GLYCTK: variants seen among roughly 807,000 people sequenced by gnomAD.
The protein encoded by GLYCTK is glycerate kinase, also known as HBeAg binding protein 4.
In GLYCTK, 22 loss-of-function variants were observed where a neutral mutation model predicts 24.8. That is an observed-to-expected ratio of 0.89 (90% CI 0.63 to 1.27). The LOEUF (loss-of-function observed/expected upper bound fraction) is 1.27. GLYCTK is among the 50% of genes most tolerant of loss of function. The pLI is 0.00. For synonymous variants in GLYCTK, 320 were observed against 297.2 expected (o/e 1.08, Z -0.79); for missense variants, 684 against 686.7 (o/e 1.00, Z 0.04).
At chr3:52,291,511 G>A (rs764366320) in intron 3 of GLYCTK, 2 of 590,260 alleles carry the variant, frequency 3.4e-6, no homozygotes, top group African/African-American at 1.9e-5. Flanking sequence ...TCCTGTTCTA[G>A]TCTCTTAAGG....
Position 52,292,436 on chromosome 3 carries a change from C to T in GLYCTK, c.882C>T (p.Asp294=). 1 of 1,613,190 alleles carries T rather than the reference C, an allele frequency of 6.2e-7. No individual in the cohort carries two copies. The highest frequency in any genetic ancestry group is 2.2e-5 in the East Asian group (1 of 44,874). ...VKTVLSRADS[D]PHGPHTCGHV... ...CTGTGCTGTCTCGGGCCGACTCTGACCCCCATGGGCCACACACCTGTGGCC... is the reference window on the plus strand; with the variant it reads ...CTGTGCTGTCTCGGGCCGACTCTGATCCCCATGGGCCACACACCTGTGGCC... Residue 294 remains aspartate, a synonymous_variant, in exon 5 of 5, where the codon GAC becomes GAT. Transcript: ENST00000436784.
chr3:52,287,997 T>A (rs1700337983), intron 1 of GLYCTK, 121 bp downstream of exon 1: 1 of 340,666 alleles, frequency 2.9e-6, no homozygotes, highest in African/African-American at 2.2e-5. Flanking sequence ...GCGGCAGCCA[T>A]TTCCCTCGCT....
In GLYCTK at chr3:52,292,372, G is replaced by T; in HGVS notation, c.818G>T (p.Arg273Leu). 6.2e-7 allele frequency: 1 copy of T among 1,613,958 alleles called. No homozygotes were observed. ...NVQDCLHILN[R>L]YGLRAALPRS... ...CAAGATTGCCTGCATATCCTCAATCGCTACGGCCTCCGTGCAGCCCTGCCA... is the reference window on the plus strand; with the variant it reads ...CAAGATTGCCTGCATATCCTCAATCTCTACGGCCTCCGTGCAGCCCTGCCA... Residue 273 changes from arginine to leucine, a missense_variant, in exon 5 of 5, where the codon CGC (arginine) becomes CTC (leucine). Coordinates refer to ENST00000436784, the MANE Select transcript of GLYCTK (RefSeq NM_145262.4).
intron 3 of GLYCTK, 187 bp downstream of exon 3, chr3:52,291,298 G>T (rs1700461469): frequency 2.9e-6 from 2 of 678,086 alleles, no homozygotes; most frequent in Non-Finnish European, 5.1e-6. Context: ...CCTGAGCTGT[G>T]GAGTCCTCCC....
rs746176895 is a variant in GLYCTK, at chr3:52,290,620, T to C, written c.278T>C (p.Met93Thr). Residue 93 changes from methionine (M) to threonine (T), a missense_variant, in exon 2 of 5, where the codon ATG becomes ACG. Met to Thr is a moderately conservative substitution (Grantham distance 81). Transcript: ENST00000436784. The part of the protein sequence containing the change: ...LVGFGKAVLG[M>T]AAAAEELLGQ... Reference sequence around the variant, plus strand: ...GGCTTTGGCAAGGCTGTGCTGGGTATGGCAGCTGCAGCTGAGGAACTACTG... The same window carrying C: ...GGCTTTGGCAAGGCTGTGCTGGGTACGGCAGCTGCAGCTGAGGAACTACTG... The C allele has an allele frequency of 2.3e-5, 37 of 1,613,576 alleles. No individual in the cohort carries two copies. The highest frequency in any genetic ancestry group is 3.1e-5 in the Non-Finnish European group (36 of 1,180,028).
intron 1 of GLYCTK, chr3:52,289,226 T>A (rs1700385371): frequency 6.6e-6 from 1 of 152,236 alleles, no homozygotes; most frequent in Admixed American, 6.5e-5. Flanking sequence ...GCAACATTTA[T>A]GGTAGGCATT....
rs1364910189 is a variant in GLYCTK, at chr3:52,293,465, C to G, written c.*339C>G. On this transcript the variant is annotated 3_prime_UTR_variant, in exon 5 of 5. Transcript: ENST00000436784. Reference sequence around the variant, plus strand: ...GAGAATGTCTGAAAATAAATAGGACCATGCCATGGGTTCTCAGTGCGCCTT... The same window carrying G: ...GAGAATGTCTGAAAATAAATAGGACGATGCCATGGGTTCTCAGTGCGCCTT... 3.8e-6 allele frequency: 2 copies of G among 525,766 alleles called. No individual in the cohort carries two copies. The highest frequency in any genetic ancestry group is 1.0e-4 in the East Asian group (2 of 20,002). 32.6% of individuals were successfully genotyped at this position (525,766 alleles called of 1,614,324 possible).
chr3:52,290,339 G>T lies in GLYCTK; in HGVS notation c.-4G>T, dbSNP rs1237248323. 1.3e-6 allele frequency: 2 copies of T among 1,595,916 alleles called. No homozygotes were observed. The highest frequency in any genetic ancestry group is 8.5e-7 in the Non-Finnish European group (1 of 1,178,690). On this transcript the variant is annotated 5_prime_UTR_variant, in exon 2 of 5. Transcript: ENST00000436784. ...GTGCCAGGCAGTGCTGAGAGCAGTG[G>T]GGCATGGCTGCAGCCCTGCAGGTCC...
intron 1 of GLYCTK, 187 bp downstream of exon 1, chr3:52,288,063 G>A: frequency 4.3e-6 from 1 of 231,602 alleles, no homozygotes. Context: ...AGGGAAAGCC[G>A]GAAATGGTAC....
In GLYCTK at chr3:52,294,829, C is replaced by G. The variant is rs1393574516; in HGVS notation, c.*1703C>G. The stretch of plus-strand genomic sequence containing the variant: ...GGGGCTGCAGGAGCTGAGGGCCTGG[C>G]AGCCATGTCCCCAGTGTGTGTGTGG... On this transcript the variant is annotated 3_prime_UTR_variant, in exon 5 of 5. Coordinates refer to ENST00000436784, the MANE Select transcript of GLYCTK (RefSeq NM_145262.4). The G allele has an allele frequency of 2.2e-6, 1 of 453,880 alleles. No individual in the cohort carries two copies. The highest frequency in any genetic ancestry group is 4.4e-6 in the Non-Finnish European group (1 of 226,740). 28.1% of individuals were successfully genotyped at this position (453,880 alleles called of 1,614,324 possible). A position where few individuals can be genotyped will look rare whatever the true frequency, so the allele number is the denominator to read the frequency against.
intron 1 of GLYCTK, 92 bp from the exon 2 acceptor site, chr3:52,290,212 G>A (rs1027744013): frequency 3.0e-6 from 3 of 1,005,314 alleles, no homozygotes; most frequent in Non-Finnish European, 4.3e-6. Context: ...GCAGCTGTGG[G>A]GTCCACTGGC....
rs1319768740 is a variant in GLYCTK at position 52,293,945 on chromosome 3, C to T, written c.*819C>T. ...GTGACAGCCCTTGTCCTAGGCTGAA[C>T]ATCCCTAGTTCCTTCAGCCACTCCT... On this transcript the variant is annotated 3_prime_UTR_variant, in exon 5 of 5. Transcript: ENST00000436784. The T allele has an allele frequency of 2.2e-6, 1 of 452,036 alleles. No homozygotes were observed. Among genetic ancestry groups the T allele is most frequent in the East Asian group, 7.0e-5 (1 of 14,378 alleles). The allele number at this position is 452,036 out of a possible 1,614,324, so 28.0% of individuals were successfully genotyped here.
Position 52,292,862 on chromosome 3 carries a change from G to A in GLYCTK, c.1308G>A (p.Arg436=), listed in dbSNP as rs1437742529. Residue 436 remains arginine, a synonymous_variant, in exon 5 of 5, where the codon AGG becomes AGA. Transcript: ENST00000436784. The stretch of plus-strand genomic sequence containing the variant: ...TGCGTGTTGGAGCAGAGTTGAGAAG[G>A]TGGCCGCTGGGGCCGATAGATGTGC... ...LALRVGAELR[R]WPLGPIDVLF... is the part of the protein sequence containing the mutation. 6.2e-7 allele frequency: 1 copy of A among 1,613,890 alleles called. No homozygotes were observed. Among genetic ancestry groups the A allele is most frequent in the South Asian group, 1.1e-5 (1 of 91,086 alleles).
At position 52,293,916 on chromosome 3, in the gene GLYCTK, C is replaced by A. The variant is rs1559468400; in HGVS notation, c.*790C>A. 2.2e-6 allele frequency: 1 copy of A among 453,968 alleles called. No homozygotes were observed. The highest frequency in any genetic ancestry group is 4.4e-6 in the Non-Finnish European group (1 of 226,670). The allele number at this position is 453,968 out of a possible 1,614,324, so 28.1% of individuals were successfully genotyped here. ...TTTGTCCCACCCCCCAGTGCTGTTT[C>A]CTTGTGACAGCCCTTGTCCTAGGCT... On this transcript the variant is annotated 3_prime_UTR_variant, in exon 5 of 5. Coordinates refer to ENST00000436784, the MANE Select transcript of GLYCTK (RefSeq NM_145262.4).
Position 52,293,000 on chromosome 3 carries a change from C to T in GLYCTK, c.1446C>T (p.Thr482=). The T allele has an allele frequency of 6.2e-7, 1 of 1,614,206 alleles. No individual in the cohort carries two copies. The highest frequency in any genetic ancestry group is 8.5e-7 in the Non-Finnish European group (1 of 1,180,040). Residue 482 remains threonine, a synonymous_variant, in exon 5 of 5, where the codon ACC becomes ACT. Coordinates refer to ENST00000436784, the MANE Select transcript of GLYCTK (RefSeq NM_145262.4). Reference sequence around the variant, plus strand: ...CAGCTGAGGGCCTGGACATAGCCACCTTCCTAGCCCACAATGACTCACATA... The same window carrying T: ...CAGCTGAGGGCCTGGACATAGCCACTTTCCTAGCCCACAATGACTCACATA... ...QAAAEGLDIA[T]FLAHNDSHTF... is the part of the protein sequence containing the mutation.
Position 52,293,418 on chromosome 3 carries a change from A to G in GLYCTK, c.*292A>G. On this transcript the variant is annotated 3_prime_UTR_variant, in exon 5 of 5. Transcript: ENST00000436784. ...GGGCAGCCTCTCTCTTGAGCCCCTCACCCTGTTTCTTTCTGTGAAGCGAGA... is the reference window on the plus strand; with the variant it reads ...GGGCAGCCTCTCTCTTGAGCCCCTCGCCCTGTTTCTTTCTGTGAAGCGAGA... 2 of 643,736 alleles carry G rather than the reference A, an allele frequency of 3.1e-6. No homozygotes were observed. The highest frequency in any genetic ancestry group is 1.5e-5 in the South Asian group (1 of 66,296). The allele number at this position is 643,736 out of a possible 1,614,324, so 39.9% of individuals were successfully genotyped here.
At chr3:52,289,389 T>C (rs1204368373) in intron 1 of GLYCTK, 1 of 152,242 alleles carries the variant, frequency 6.6e-6, no homozygotes, top group Non-Finnish European at 1.5e-5. Flanking sequence ...GGCTCAGTTA[T>C]GGGAGCCTGG....
Position 52,294,315 on chromosome 3 carries a change from G to A in GLYCTK, c.*1189G>A. 1 of 534,626 alleles carries A rather than the reference G, an allele frequency of 1.9e-6. No individual in the cohort carries two copies. The highest frequency in any genetic ancestry group is 3.8e-6 in the Non-Finnish European group (1 of 260,078). The allele number at this position is 534,626 out of a possible 1,614,324, so 33.1% of individuals were successfully genotyped here. ...ATAGAGAACAGCGAGGCCTGGGGCT[G>A]CTCTTGCAGGCACTTCTTCCACCCC... On this transcript the variant is annotated 3_prime_UTR_variant, in exon 5 of 5. Transcript: ENST00000436784.
chr3:52,293,804 C>T lies in GLYCTK; in HGVS notation c.*678C>T, dbSNP rs1425692668. On this transcript the variant is annotated 3_prime_UTR_variant, in exon 5 of 5. Transcript: ENST00000436784. ...GGCACTGTCACCATGGCTTCTCCAG[C>T]CTCAGCTTGTAGGCCTCGTTGGATG... 1 of 453,862 alleles carries T rather than the reference C, an allele frequency of 2.2e-6. No individual in the cohort carries two copies. The highest frequency in any genetic ancestry group is 2.0e-5 in the African/African-American group (1 of 50,014). 28.1% of individuals were successfully genotyped at this position (453,862 alleles called of 1,614,324 possible). A position where few individuals can be genotyped will look rare whatever the true frequency, so the allele number is the denominator to read the frequency against.
Sources: allele counts gnomAD v4.1 joint callset, GRCh38; gene constraint gnomAD v4.1.1; transcripts MANE v1.5; gene names NCBI Gene and HGNC (gene_info 2026-07-23, HGNC 2026-07-21).